RAB38: variants seen among roughly 807,000 people sequenced by gnomAD.
RAB38 encodes RAB38, member RAS oncogene family.
A neutral mutation model predicts 18.4 loss-of-function variants in RAB38; 15 were observed. The observed-to-expected ratio is 0.82, with a 90% CI of 0.55 to 1.26. The LOEUF (loss-of-function observed/expected upper bound fraction) is 1.26. RAB38 is among the 50% of genes most tolerant of loss of function. The pLI is 0.00. For missense variants in RAB38, 294 were observed against 267.4 expected (o/e 1.10, Z -0.69); for synonymous variants, 101 against 104.4 (o/e 0.97, Z 0.20).
At chr11:87,912,823 T>C in the RAB38 span, among the ~76,000 whole-genome samples, 1 of 144,606 alleles carries the variant, frequency 6.9e-6, no homozygotes, top group East Asian at 2.2e-4. Flanking sequence ...ACTAAACATA[T>C]TCAGCACTAT....
the RAB38 span, among the ~76,000 whole-genome samples, chr11:87,880,860 G>A: frequency 6.6e-6 from 1 of 151,788 alleles, no homozygotes; most frequent in Admixed American, 6.6e-5. Flanking sequence ...GTGGTGACAA[G>A]GACAAGCCCT....
the RAB38 span, among the ~76,000 whole-genome samples, chr11:87,858,294 A>C: frequency 6.6e-6 from 1 of 152,106 alleles, no homozygotes; most frequent in Non-Finnish European, 1.5e-5. Context: ...CTCTGATCCC[A>C]GACCAGAACC....
intron 2 of RAB38, among the ~76,000 whole-genome samples, chr11:88,123,731 G>C (rs998448989): frequency 6.6e-6 from 1 of 152,068 alleles, no homozygotes; most frequent in African/African-American, 2.4e-5. Context: ...ATTTTCTTTG[G>C]CCTTACCTAT....
chr11:87,811,533 T>C, the RAB38 span, among the ~76,000 whole-genome samples: 12 of 152,170 alleles, frequency 7.9e-5, no homozygotes, highest in African/African-American at 2.9e-4. Context: ...TCTGTACCTC[T>C]TTTGCTTGCA....
chr11:88,174,177 C>T, intron 1 of RAB38: 1 of 793,666 alleles, frequency 1.3e-6, no homozygotes, highest in Non-Finnish European at 1.5e-6. Flanking sequence ...TGCAACTGAG[C>T]TGAAGAGACT....
the RAB38 span, among the ~76,000 whole-genome samples, chr11:87,881,040 C>T: frequency 2.0e-5 from 3 of 151,806 alleles, no homozygotes; most frequent in Non-Finnish European, 4.4e-5. Context: ...AGTGAAGTGG[C>T]GTGATCATAA....
At chr11:87,840,319 AT>A in the RAB38 span, among the ~76,000 whole-genome samples, 6 of 152,226 alleles carry the variant, frequency 3.9e-5, no homozygotes, top group African/African-American at 1.4e-4. Flanking sequence ...ATGGGAAGTC[AT>A]GATGGGTCTT....
chr11:87,883,813 G>T, the RAB38 span, among the ~76,000 whole-genome samples: 1 of 151,940 alleles, frequency 6.6e-6, no homozygotes, highest in Non-Finnish European at 1.5e-5. Flanking sequence ...GCTTACAGAC[G>T]CTGAGAAAGT....
chr11:88,043,162 C>T, the RAB38 span, among the ~76,000 whole-genome samples: 20 of 152,178 alleles, frequency 1.3e-4, no homozygotes, highest in Non-Finnish European at 2.8e-4. Flanking sequence ...CACTGGAATG[C>T]ACATTGTTCC....
chr11:88,036,723 C>A, the RAB38 span, among the ~76,000 whole-genome samples: 1 of 151,886 alleles, frequency 6.6e-6, no homozygotes, highest in Non-Finnish European at 1.5e-5. Flanking sequence ...TCAATGGAAT[C>A]AAATGATTAT....
At chr11:87,847,700 T>C in the RAB38 span, among the ~76,000 whole-genome samples, 1 of 151,914 alleles carries the variant, frequency 6.6e-6, no homozygotes, top group African/African-American at 2.4e-5. Flanking sequence ...GATGCTTTGG[T>C]TTCATGACCA....
At chr11:87,825,896 AAT>A in the RAB38 span, among the ~76,000 whole-genome samples, 1 of 152,210 alleles carries the variant, frequency 6.6e-6, no homozygotes, top group Non-Finnish European at 1.5e-5. Flanking sequence ...ATGTGTACAA[AAT>A]AGTCATACTA....
chr11:88,162,355 C>T (rs1038171965), intron 1 of RAB38, among the ~76,000 whole-genome samples: 5 of 152,120 alleles, frequency 3.3e-5, no homozygotes, highest in Non-Finnish European at 5.9e-5. Flanking sequence ...ATAGCCAGAA[C>T]CAAATTTCTG....
At chr11:87,930,784 G>A in the RAB38 span, among the ~76,000 whole-genome samples, 2 of 152,156 alleles carry the variant, frequency 1.3e-5, no homozygotes, top group Middle Eastern at 3.4e-3. Flanking sequence ...TTCTATATAT[G>A]GCTAGCCAGT....
the RAB38 span, among the ~76,000 whole-genome samples, chr11:87,952,161 G>A: frequency 3.3e-5 from 5 of 152,164 alleles, no homozygotes; most frequent in South Asian, 1.0e-3. Context: ...TCGGGAGGGT[G>A]GCCAGAGGAG....
intron 1 of RAB38, among the ~76,000 whole-genome samples, chr11:88,170,875 G>GT (rs1268263008): frequency 6.6e-6 from 1 of 152,228 alleles, no homozygotes; most frequent in East Asian, 1.9e-4. Flanking sequence ...ACTGGATTGG[G>GT]TTTTTTTATT....
the RAB38 span, among the ~76,000 whole-genome samples, chr11:87,932,150 A>G: frequency 3.4e-3 from 523 of 152,102 alleles, no homozygotes; most frequent in Middle Eastern, 6.8e-3. Flanking sequence ...GGGAGGGAGA[A>G]CATTAGGACA....
At chr11:87,903,517 T>A in the RAB38 span, among the ~76,000 whole-genome samples, 2 of 151,594 alleles carry the variant, frequency 1.3e-5, no homozygotes, top group African/African-American at 4.8e-5. Context: ...TGGTCTCTTG[T>A]GTGTTTGTAT....
the RAB38 span, among the ~76,000 whole-genome samples, chr11:87,900,301 TAACA>T: frequency 6.6e-6 from 1 of 151,550 alleles, no homozygotes; most frequent in Non-Finnish European, 1.5e-5. Flanking sequence ...GAGTATCAGC[TAACA>T]AACACTCCCA....
Sources: gnomAD v4.1 joint callset for allele counts (sites outside exome capture counted in the v4.1 genomes callset) on GRCh38, gnomAD v4.1.1 for gene constraint, MANE v1.5 for transcripts, NCBI Gene and HGNC (gene_info 2026-07-23, HGNC 2026-07-21) for gene names.